EYA4: variants seen among roughly 807,000 people sequenced by gnomAD.
The protein encoded by EYA4 is EYA transcriptional coactivator and phosphatase 4.
A neutral mutation model predicts 87.9 loss-of-function variants in EYA4; 31 were observed. The observed-to-expected ratio is 0.35, with a 90% CI of 0.27 to 0.48. The LOEUF is 0.48. Ranked by LOEUF, EYA4 falls within the 20% of genes least tolerant of loss-of-function variation. The pLI is 0.99. For missense variants in EYA4, 678 were observed against 761.4 expected (o/e 0.89, Z 1.29); for synonymous variants, 263 against 270.6 (o/e 0.97, Z 0.28).
At chr6:133,352,013 A>T (rs725315) in intron 2 of EYA4, among the ~76,000 whole-genome samples, 1 of 151,990 alleles carries the variant, frequency 6.6e-6, no homozygotes, top group African/African-American at 2.4e-5. Flanking sequence ...AGAAGATAGT[A>T]TTTATTGAAT....
chr6:133,283,649 A>G (rs1777804945), intron 2 of EYA4, among the ~76,000 whole-genome samples: 1 of 152,190 alleles, frequency 6.6e-6, no homozygotes, highest in Non-Finnish European at 1.5e-5. Context: ...ATGAACTCAC[A>G]TAGTCTTTAT....
intron 3 of EYA4, among the ~76,000 whole-genome samples, chr6:133,417,225 G>T (rs903354910): frequency 2.6e-5 from 4 of 152,196 alleles, no homozygotes; most frequent in Non-Finnish European, 5.9e-5. Flanking sequence ...CTCAATGTTT[G>T]TGGCATTTCA....
At chr6:133,509,397 T>C (rs987406072) in intron 14 of EYA4, among the ~76,000 whole-genome samples, 64 of 144,068 alleles carry the variant, frequency 4.4e-4, no homozygotes, top group African/African-American at 1.7e-3. Flanking sequence ...AGGGTGCTTT[T>C]CTTAAAAAAA....
intron 5 of EYA4, among the ~76,000 whole-genome samples, chr6:133,450,218 T>C (rs552338898): frequency 6.6e-6 from 1 of 152,114 alleles, no homozygotes; most frequent in East Asian, 2.0e-4. Context: ...ATCTCCTGAC[T>C]TCGTGATCGG....
At position 133,428,907 on chromosome 6, in the gene EYA4, G is replaced by A. The variant is rs1352856308; in HGVS notation, c.84-17723G>A. On this transcript the variant is annotated intron_variant, in intron 3 of 19. Transcript: ENST00000355286. ...TCTTCTGGGGCTGAGGGTAGATTTA[G>A]CTTCTTTTTTTTTTTTTTTTTTTTT... Among the ~76,000 whole-genome samples, 6 of 46,928 alleles carry A rather than the reference G, an allele frequency of 1.3e-4. 1 individual carries two copies. The highest frequency in any genetic ancestry group is 3.4e-4 in the Non-Finnish European group (6 of 17,706). 30.8% of individuals were successfully genotyped at this position (46,928 alleles called of 152,430 possible).
intron 18 of EYA4, among the ~76,000 whole-genome samples, chr6:133,524,855 G>A (rs774993763): frequency 8.5e-5 from 13 of 152,108 alleles, no homozygotes; most frequent in African/African-American, 2.7e-4. Flanking sequence ...TCATCTGTCC[G>A]AAGTAACGCC....
intron 1 of EYA4, among the ~76,000 whole-genome samples, chr6:133,269,487 GA>G (rs1450271817): frequency 2.1e-5 from 3 of 145,454 alleles, no homozygotes; most frequent in Non-Finnish European, 4.5e-5. Context: ...TTTTAAGAAT[GA>G]AAAAAACATA....
At chr6:133,388,579 C>T (rs1562362295) in intron 3 of EYA4, among the ~76,000 whole-genome samples, 1 of 152,036 alleles carries the variant, frequency 6.6e-6, no homozygotes, top group Non-Finnish European at 1.5e-5. Context: ...TCTGCACTTC[C>T]CCTGTAGAGT....
intron 3 of EYA4, among the ~76,000 whole-genome samples, chr6:133,391,222 G>GTTTTTGTTTTTTT (rs1554246224): frequency 1.1e-5 from 1 of 89,830 alleles, no homozygotes; most frequent in Non-Finnish European, 2.7e-5. Context: ...TTTTGTTTTT[G>GTTTTTGTTTTTTT]TTTTTTTTTT....
intron 2 of EYA4, among the ~76,000 whole-genome samples, chr6:133,345,779 T>G (rs1321350961): frequency 6.6e-6 from 1 of 152,250 alleles, no homozygotes; most frequent in African/African-American, 2.4e-5. Context: ...AATAGTCTAT[T>G]CATTAGATTC....
intron 11 of EYA4, among the ~76,000 whole-genome samples, chr6:133,480,865 A>G (rs958196951): frequency 2.0e-5 from 3 of 152,170 alleles, no homozygotes; most frequent in Non-Finnish European, 4.4e-5. Context: ...AAATGGAAGC[A>G]AATAGTATCT....
At chr6:133,281,402 T>C (rs1562243068) in intron 2 of EYA4, among the ~76,000 whole-genome samples, 1 of 152,220 alleles carries the variant, frequency 6.6e-6, no homozygotes, top group African/African-American at 2.4e-5. Context: ...GATTTACTCC[T>C]ATGATTTCAT....
intron 13 of EYA4, among the ~76,000 whole-genome samples, chr6:133,499,310 C>A (rs943682419): frequency 3.3e-5 from 5 of 152,138 alleles, no homozygotes; most frequent in Admixed American, 1.3e-4. Context: ...TGTGTATTTG[C>A]CACCTCTGCT....
chr6:133,515,632 TG>T (rs1799532492), intron 17 of EYA4, among the ~76,000 whole-genome samples, 197 bp downstream of exon 17: 1 of 150,592 alleles, frequency 6.6e-6, no homozygotes, highest in East Asian at 1.9e-4. Flanking sequence ...AGTGTGTGTG[TG>T]TGTGTGTGTG....
chr6:133,460,959 TAGG>T (rs1282015448), intron 6 of EYA4, among the ~76,000 whole-genome samples, 152 bp from the exon 7 acceptor site: 5 of 152,224 alleles, frequency 3.3e-5, no homozygotes, highest in South Asian at 4.1e-4. Flanking sequence ...GCAGTTTAAT[TAGG>T]AGAAAGTGTT....
At chr6:133,514,582 G>A (rs771601294) in intron 16 of EYA4, among the ~76,000 whole-genome samples, 16 of 152,044 alleles carry the variant, frequency 1.1e-4, no homozygotes, top group Admixed American at 8.5e-4. Context: ...ATGTGCTCCC[G>A]ATATTCTAAA....
chr6:133,414,969 T>C (rs555066357), intron 3 of EYA4, among the ~76,000 whole-genome samples: 75 of 152,194 alleles, frequency 4.9e-4, no homozygotes, highest in African/African-American at 1.8e-3. Flanking sequence ...TTCTGGAGCC[T>C]TTATTTTATG....
rs77352161 is a variant in EYA4 at position 133,318,632 on chromosome 6, T to TTTAA, written c.33+43820_33+43821insTAAT. On this transcript the variant is annotated intron_variant, in intron 2 of 19. Transcript: ENST00000355286. ...TTTTAAGCCATTCTTTTTTTTTTTT[T>TTTAA]TAATCATCCAGAGTCTCCTGAGCTA... Among the ~76,000 whole-genome samples, 964 of 148,858 alleles carry TTTAA rather than the reference T, an allele frequency of 6.5e-3. 7 individuals are homozygous for TTTAA. The highest frequency in any genetic ancestry group is 0.011 in the Non-Finnish European group (717 of 67,198).
At chr6:133,296,971 C>T (rs1778991994) in intron 2 of EYA4, among the ~76,000 whole-genome samples, 1 of 152,218 alleles carries the variant, frequency 6.6e-6, no homozygotes, top group South Asian at 2.1e-4. Flanking sequence ...GTTTATCTTA[C>T]AATTCTATTG....
Sources: gnomAD v4.1 joint callset for allele counts (sites outside exome capture counted in the v4.1 genomes callset) on GRCh38, gnomAD v4.1.1 for gene constraint, MANE v1.5 for transcripts, NCBI Gene and HGNC (gene_info 2026-07-23, HGNC 2026-07-21) for gene names.